WDFY4: variants seen among roughly 807,000 people sequenced by gnomAD.
WDFY4 encodes the protein WD repeat- and FYVE domain-containing protein 4.
In WDFY4, 169 loss-of-function variants were observed where a neutral mutation model predicts 351.9. The observed-to-expected ratio is 0.48, with a 90% CI of 0.42 to 0.55. The LOEUF (loss-of-function observed/expected upper bound fraction) is 0.55. Ranked by LOEUF, WDFY4 falls within the 20% of genes least tolerant of loss-of-function variation. The pLI is 0.00. For synonymous variants in WDFY4, 1,622 were observed against 1,574.6 expected (o/e 1.03, Z -0.71); for missense variants, 3,803 against 3,935.6 (o/e 0.97, Z 0.90).
chr10:48,790,909 G>A lies in WDFY4; in HGVS notation c.4249G>A (p.Gly1417Arg). 6.4e-7 allele frequency: 1 copy of A among 1,551,682 alleles called. No individual in the cohort carries two copies. The highest frequency in any genetic ancestry group is 8.7e-7 in the Non-Finnish European group (1 of 1,146,986). ...MCDFLMQHIC[G>R]YQIMAFLLRK... is the part of the protein sequence containing the mutation. ...TGACTTCCTGATGCAACACATCTGT[G>A]GGTACCAGGTAATCCCATCCTCCCA... The change falls in exon 23 of 62, where the codon GGG becomes AGG. Residue 1417 changes from glycine to arginine, a missense_variant. Transcript: ENST00000325239.
chr10:48,713,576 G>A (rs1417784269), intron 2 of WDFY4, among the ~76,000 whole-genome samples: 1 of 152,196 alleles, frequency 6.6e-6, no homozygotes, highest in African/African-American at 2.4e-5. Flanking sequence ...TATTGTCTAG[G>A]TAATAAGGAA....
intron 52 of WDFY4, 114 bp from the exon 53 acceptor site, chr10:48,959,608 C>G (rs927993892): frequency 3.2e-6 from 3 of 926,722 alleles, no homozygotes; most frequent in Non-Finnish European, 5.1e-6. Context: ...GAGAACATAA[C>G]TCACGTTCAG....
chr10:48,761,690 C>G (rs908737770), intron 13 of WDFY4, among the ~76,000 whole-genome samples: 8 of 152,136 alleles, frequency 5.3e-5, no homozygotes, highest in Non-Finnish European at 1.0e-4. Context: ...AGTCAGCAGT[C>G]TCAAGATAAA....
In WDFY4 at chr10:48,942,717, A is replaced by G. The variant is rs573778564; in HGVS notation, c.7630-613A>G. Among the ~76,000 whole-genome samples, 126 of 152,360 alleles carry G rather than the reference A, an allele frequency of 8.3e-4. 1 individual carries two copies. Among genetic ancestry groups the G allele is most frequent in the Non-Finnish European group, 2.8e-4 (19 of 68,022 alleles). On this transcript the variant is annotated intron_variant, in intron 48 of 61. Coordinates refer to ENST00000325239, the MANE Select transcript of WDFY4 (RefSeq NM_001394531.1). ...GAGAGCCCCTGAACATACAGGCCACATGTCAGAGATGACGGCTGTGTTGGA... is the reference window on the plus strand; with the variant it reads ...GAGAGCCCCTGAACATACAGGCCACGTGTCAGAGATGACGGCTGTGTTGGA...
At chr10:48,882,203 G>C (rs1228420086) in intron 43 of WDFY4, among the ~76,000 whole-genome samples, 1 of 152,032 alleles carries the variant, frequency 6.6e-6, no homozygotes, top group Admixed American at 6.5e-5. Flanking sequence ...CTGGGTCTTG[G>C]GGGAGCCTGC....
At chr10:48,976,328 C>T (rs1255832892) in intron 58 of WDFY4, among the ~76,000 whole-genome samples, 1 of 152,220 alleles carries the variant, frequency 6.6e-6, no homozygotes, top group African/African-American at 2.4e-5. Flanking sequence ...TAGAAATTCC[C>T]TCTTCAGGGA....
chr10:48,746,895 A>G (rs1170947441), intron 12 of WDFY4, among the ~76,000 whole-genome samples: 1 of 152,174 alleles, frequency 6.6e-6, no homozygotes, highest in Non-Finnish European at 1.5e-5. Context: ...TAAATCCATC[A>G]GATATGACAG....
chr10:48,801,363 G>A (rs1427208921), intron 24 of WDFY4: 1 of 271,602 alleles, frequency 3.7e-6, no homozygotes, highest in Non-Finnish European at 7.8e-6. Flanking sequence ...AGTGTAAAAG[G>A]TGCACCTTAT....
chr10:48,896,992 C>G (rs1240835080), intron 44 of WDFY4, among the ~76,000 whole-genome samples: 1 of 152,138 alleles, frequency 6.6e-6, no homozygotes, highest in Non-Finnish European at 1.5e-5. Flanking sequence ...CCAGGCTGGG[C>G]ATGGGGGAGC....
chr10:48,774,602 C>T lies in WDFY4; in HGVS notation c.2698C>T (p.Pro900Ser), dbSNP rs1283768409. The part of the protein sequence containing the change: ...CHRALVTSGS[P>S]LHSRLIRIFE... ...CAGGGCCCTGGTCACCAGTGGCAGC[C>T]CCCTCCACTCACGCCTCATCAGGAT... The change falls in exon 14 of 62, where the codon CCC becomes TCC. Residue 900 changes from proline (P) to serine (S), a missense_variant. Pro to Ser is a moderately conservative substitution (Grantham distance 74, BLOSUM62 -1). Transcript: ENST00000325239. The T allele has an allele frequency of 6.4e-7, 1 of 1,551,718 alleles. No homozygotes were observed. The highest frequency in any genetic ancestry group is 2.4e-5 in the East Asian group (1 of 40,926).
chr10:48,895,441 C>T (rs1322596107), intron 44 of WDFY4, among the ~76,000 whole-genome samples: 1 of 152,314 alleles, frequency 6.6e-6, no homozygotes, highest in East Asian at 1.9e-4. Flanking sequence ...CTTTGTAGCC[C>T]TTGGCTCTCT....
intron 13 of WDFY4, among the ~76,000 whole-genome samples, chr10:48,764,396 G>A (rs2065604816): frequency 6.6e-6 from 1 of 152,190 alleles, no homozygotes; most frequent in Non-Finnish European, 1.5e-5. Context: ...ACTATGCACA[G>A]TGCAAAAATG....
chr10:48,852,329 G>A (rs891646649), intron 39 of WDFY4, among the ~76,000 whole-genome samples: 3 of 152,198 alleles, frequency 2.0e-5, no homozygotes, highest in Admixed American at 6.5e-5. Flanking sequence ...ACTTGGCCTC[G>A]ATATCTTCTC....
intron 47 of WDFY4, chr10:48,913,584 G>C (rs367558167): frequency 1.2e-6 from 2 of 1,614,088 alleles, no homozygotes; most frequent in South Asian, 2.2e-5. Context: ...CCTCCTGATG[G>C]AGTCTATGAA....
intron 12 of WDFY4, among the ~76,000 whole-genome samples, chr10:48,759,605 G>A (rs972319318): frequency 1.3e-5 from 2 of 152,130 alleles, no homozygotes; most frequent in African/African-American, 4.8e-5. Context: ...AAAGAATGGG[G>A]AAACCAAACA....
chr10:48,897,197 C>A (rs1837123156), intron 44 of WDFY4, among the ~76,000 whole-genome samples: 2 of 152,224 alleles, frequency 1.3e-5, no homozygotes, highest in Non-Finnish European at 2.9e-5. Flanking sequence ...GTGAGGCTGG[C>A]ACCCCACCCT....
intron 28 of WDFY4, among the ~76,000 whole-genome samples, chr10:48,809,343 CCAT>C (rs1241041127): frequency 6.6e-6 from 1 of 150,970 alleles, no homozygotes; most frequent in East Asian, 2.0e-4. Flanking sequence ...ACCACCATCA[CCAT>C]CATCACCACA....
intron 23 of WDFY4, among the ~76,000 whole-genome samples, chr10:48,793,673 C>T (rs11101487): frequency 6.6e-6 from 1 of 152,090 alleles, no homozygotes; most frequent in African/African-American, 2.4e-5. Flanking sequence ...TTCATAAGAG[C>T]GTGTGTCCGG....
At chr10:48,824,984 T>C (rs995430637) in intron 35 of WDFY4, among the ~76,000 whole-genome samples, 5 of 152,276 alleles carry the variant, frequency 3.3e-5, no homozygotes, top group Non-Finnish European at 4.4e-5. Context: ...CCAGGGTACA[T>C]GTGCAGGATG....
Sources: gnomAD v4.1 joint callset for allele counts (sites outside exome capture counted in the v4.1 genomes callset) on GRCh38, gnomAD v4.1.1 for gene constraint, MANE v1.5 for transcripts, NCBI Gene and HGNC (gene_info 2026-07-23, HGNC 2026-07-21) for gene names.